The following ALX3 variants were observed in gnomAD, a reference collection of about 807,000 sequenced individuals.
The protein encoded by ALX3 is ALX homeobox 3, also known as homeobox protein aristaless-like 3.
In ALX3, 17 loss-of-function variants were observed where a neutral mutation model predicts 26.3. The ratio of observed to expected loss-of-function variants is 0.65; its 90% CI spans 0.44 to 0.97. The LOEUF is 0.97. Ranked by LOEUF, ALX3 falls within the 50% of genes least tolerant of loss-of-function variation. The pLI, the probability that ALX3 is intolerant of heterozygous loss-of-function variation, is 0.00. For synonymous variants in ALX3, 208 were observed against 201.4 expected (o/e 1.03, Z -0.28); for missense variants, 461 against 466.5 (o/e 0.99, Z 0.11).
Position 110,060,964 on chromosome 1 carries a change from G to C in ALX3, c.801C>G (p.Pro267=). Residue 267 remains proline (P), a synonymous_variant, in exon 4 of 4, where the codon CCC becomes CCG. Transcript: ENST00000647563. ...GGGAATATGGAGACATGCATGGGGA[G>C]GGGATGCCCTCTGGAGACACAAGGC... ...GPCLVSPEGI[P]SPCMSPYSHP... The C allele has an allele frequency of 6.2e-7, 1 of 1,613,014 alleles. No homozygotes were observed. Among genetic ancestry groups the C allele is most frequent in the Non-Finnish European group, 8.5e-7 (1 of 1,179,700 alleles).
At position 110,068,731 on chromosome 1, in the gene ALX3, C is replaced by T. The variant is rs190359803; in HGVS notation, c.277+1605G>A. Among the ~76,000 whole-genome samples the T allele has an allele frequency of 2.0e-4, 30 of 152,204 alleles. No individual in the cohort carries two copies. The East Asian group carries it at 5.4e-3, about 27-fold the overall frequency. ...ATTCATTTTAGTTCATCCCAGCTCG[C>T]CGACTGCCATTTACCCTCTCGTTCT... On this transcript the variant is annotated intron_variant, in intron 1 of 3. Coordinates refer to ENST00000647563, the MANE Select transcript of ALX3 (RefSeq NM_006492.3).
At chr1:110,066,375 C>A (rs895304361) in intron 1 of ALX3, among the ~76,000 whole-genome samples, 6 of 152,186 alleles carry the variant, frequency 3.9e-5, no homozygotes. Context: ...CAGCTACAGC[C>A]CAGGGACCAG....
Position 110,060,178 on chromosome 1 carries a change from G to A in ALX3, c.*555C>T, listed in dbSNP as rs1475366364. 6.6e-6 allele frequency: 1 copy of A among 152,172 alleles called. No individual in the cohort carries two copies. The highest frequency in any genetic ancestry group is 1.5e-5 in the Non-Finnish European group (1 of 68,062). 9.4% of individuals were successfully genotyped at this position (152,172 alleles called of 1,614,324 possible). On this transcript the variant is annotated 3_prime_UTR_variant, in exon 4 of 4. Coordinates refer to ENST00000647563, the MANE Select transcript of ALX3 (RefSeq NM_006492.3). ...GCAGGCACATGGCAGGAGTGAGGGT[G>A]GCTGGAGCTGAGGAGCCAGTGTGCC...
At chr1:110,067,100 T>G (rs925460990) in intron 1 of ALX3, among the ~76,000 whole-genome samples, 2 of 152,054 alleles carry the variant, frequency 1.3e-5, no homozygotes, top group African/African-American at 2.4e-5. Flanking sequence ...CCCTCCACTT[T>G]GGGAGAGGGG....
rs554134646 is a variant in ALX3 at position 110,069,726 on chromosome 1, A to G, written c.277+610T>C. ...AGAATACAGTTATTCCGTCTTGAGG[A>G]CAGCCCTGGCATTGCACGACCAGTC... On this transcript the variant is annotated intron_variant, in intron 1 of 3. Transcript: ENST00000647563. 6.9e-4 allele frequency among the ~76,000 whole-genome samples: 105 copies of G among 152,302 alleles called. No individual in the cohort carries two copies. In the South Asian group the frequency reaches 0.012, roughly 18 times the overall value.
At chr1:110,064,091 T>C (rs1182433588) in intron 2 of ALX3, among the ~76,000 whole-genome samples, 1 of 151,926 alleles carries the variant, frequency 6.6e-6, no homozygotes, top group Non-Finnish European at 1.5e-5. Flanking sequence ...CTGATGACTT[T>C]GAGAATCACT....
intron 1 of ALX3, among the ~76,000 whole-genome samples, chr1:110,066,574 C>CCCCG (rs1570939065): frequency 8.5e-6 from 1 of 118,302 alleles, no homozygotes; most frequent in Admixed American, 8.2e-5. Flanking sequence ...ATGGGACATC[C>CCCCG]CCCCCCCCCG....
intron 1 of ALX3, among the ~76,000 whole-genome samples, chr1:110,069,575 G>T (rs865925954): frequency 1.3e-5 from 2 of 152,256 alleles, no homozygotes; most frequent in South Asian, 4.1e-4. Flanking sequence ...GCGCCAGGGG[G>T]TTAGGCTGCC....
At chr1:110,062,645 G>GTGTGTGTGTGTGTGTGTGT (rs57279963) in intron 2 of ALX3, 20 of 132,388 alleles carry the variant, frequency 1.5e-4, no homozygotes, top group African/African-American at 3.4e-4. Context: ...GTGTGTGTGT[G>GTGTGTGTGTGTGTGTGTGT]GAGTAATCCG....
intron 1 of ALX3, among the ~76,000 whole-genome samples, chr1:110,066,796 A>G (rs1052892166): frequency 6.6e-6 from 1 of 152,168 alleles, no homozygotes; most frequent in Non-Finnish European, 1.5e-5. Context: ...GGGCTTGCTC[A>G]TCTGCCTCTT....
intron 2 of ALX3, 73 bp downstream of exon 2, chr1:110,064,514 G>A (rs1653730259): frequency 6.4e-7 from 1 of 1,565,560 alleles, no homozygotes; most frequent in East Asian, 2.3e-5. Context: ...ACCTCTCCCA[G>A]CCCTTCCAGA....
intron 1 of ALX3, among the ~76,000 whole-genome samples, chr1:110,069,703 A>G (rs951739019): frequency 6.6e-6 from 1 of 152,192 alleles, no homozygotes; most frequent in Non-Finnish European, 1.5e-5. Context: ...GAGAAATAAG[A>G]ATACAGTTAT....
chr1:110,064,692 G>A lies in ALX3; in HGVS notation c.489C>T (p.Phe163=). The part of the protein sequence containing the change: ...KRRNRTTFST[F]QLEELEKVFQ... ...AGACCTTCTCCAGCTCCTCCAGCTG[G>A]AATGTGCTGAAGGTCGTGCGGTTAC... Residue 163 remains phenylalanine, a synonymous_variant, in exon 2 of 4, where the codon TTC becomes TTT. Transcript: ENST00000647563. 1.2e-6 allele frequency: 2 copies of A among 1,614,240 alleles called. No individual in the cohort carries two copies. Among genetic ancestry groups the A allele is most frequent in the Non-Finnish European group, 8.5e-7 (1 of 1,180,056 alleles).
rs1335926094 is a variant in ALX3, at chr1:110,060,579, A to G, written c.*154T>C. The stretch of plus-strand genomic sequence containing the variant: ...GCAGCCCCACCTTGTTCTAAGAGAA[A>G]AGACCCTGTAACGTGTTCCCTGCTG... On this transcript the variant is annotated 3_prime_UTR_variant, in exon 4 of 4. Coordinates refer to ENST00000647563, the MANE Select transcript of ALX3 (RefSeq NM_006492.3). The G allele has an allele frequency of 1.8e-6, 1 of 551,194 alleles. No individual in the cohort carries two copies. The highest frequency in any genetic ancestry group is 4.0e-5 in the East Asian group (1 of 24,774). The allele number at this position is 551,194 out of a possible 1,614,324, so 34.1% of individuals were successfully genotyped here. A position where few individuals can be genotyped will look rare whatever the true frequency, so the allele number is the denominator to read the frequency against.
chr1:110,067,030 A>G (rs150036138), intron 1 of ALX3, among the ~76,000 whole-genome samples: 4 of 152,200 alleles, frequency 2.6e-5, no homozygotes, highest in East Asian at 3.9e-4. Context: ...TGCTCTCCTC[A>G]TTGTCATTGC....
In ALX3 at chr1:110,070,554, GC is replaced by G; in HGVS notation, c.58del (p.Ala20ProfsTer29). Reference sequence around the variant, plus strand: ...CGGGCCCGGAGGCTCGTCCCCCGAGGCCACATAGGGGCCGGGTGCAGGCCCC... The same window carrying G: ...CGGGCCCGGAGGCTCGTCCCCCGAGGCACATAGGGGCCGGGTGCAGGCCCC... The part of the protein sequence containing the change: ...RVGPAPGPYV[A>X]SGDEPPGPQG... On this transcript the variant is annotated frameshift_variant, in exon 1 of 4. Coordinates refer to ENST00000647563, the MANE Select transcript of ALX3 (RefSeq NM_006492.3). LOFTEE classifies it high-confidence loss of function. 1 of 1,308,912 alleles carries G rather than the reference GC, an allele frequency of 7.6e-7. No homozygotes were observed. The highest frequency in any genetic ancestry group is 9.7e-7 in the Non-Finnish European group (1 of 1,026,562). The allele number at this position is 1,308,912 out of a possible 1,614,324, so 81.1% of individuals were successfully genotyped here.
chr1:110,061,594 T>C, intron 2 of ALX3, 31 bp from the exon 3 acceptor site: 1 of 1,613,210 alleles, frequency 6.2e-7, no homozygotes, highest in Middle Eastern at 1.7e-4. Flanking sequence ...TTTGAGGGGG[T>C]GATAGGGCAG....
Position 110,060,343 on chromosome 1 carries a change from G to A in ALX3, c.*390C>T, listed in dbSNP as rs1305878234. Reference sequence around the variant, plus strand: ...TTTGGTTTCCATCTCATCATGAAGAGCTTCAGTCCACGCGGCGTTCTCCTC... The same window carrying A: ...TTTGGTTTCCATCTCATCATGAAGAACTTCAGTCCACGCGGCGTTCTCCTC... On this transcript the variant is annotated 3_prime_UTR_variant, in exon 4 of 4. Coordinates refer to ENST00000647563, the MANE Select transcript of ALX3 (RefSeq NM_006492.3). 6.3e-6 allele frequency: 1 copy of A among 158,052 alleles called. No homozygotes were observed. The highest frequency in any genetic ancestry group is 2.4e-5 in the African/African-American group (1 of 41,570). The allele number at this position is 158,052 out of a possible 1,614,324, so 9.8% of individuals were successfully genotyped here.
Position 110,070,638 on chromosome 1 carries a change from G to A in ALX3, c.-26C>T. On this transcript the variant is annotated 5_prime_UTR_variant, in exon 1 of 4. Transcript: ENST00000647563. Reference sequence around the variant, plus strand: ...GCCGGCTCAGGGCGCACAGGCCTCCGGGGCTCCGGGGCTCGCGCTGCCCGC... The same window carrying A: ...GCCGGCTCAGGGCGCACAGGCCTCCAGGGCTCCGGGGCTCGCGCTGCCCGC... 1 of 1,205,754 alleles carries A rather than the reference G, an allele frequency of 8.3e-7. No individual in the cohort carries two copies. Among genetic ancestry groups the A allele is most frequent in the Non-Finnish European group, 1.0e-6 (1 of 971,914 alleles). 74.7% of individuals were successfully genotyped at this position (1,205,754 alleles called of 1,614,324 possible). A position where few individuals can be genotyped will look rare whatever the true frequency, so the allele number is the denominator to read the frequency against.
Sources: gnomAD v4.1 joint callset for allele counts (sites outside exome capture counted in the v4.1 genomes callset) on GRCh38, gnomAD v4.1.1 for gene constraint, MANE v1.5 for transcripts, NCBI Gene and HGNC (gene_info 2026-07-23, HGNC 2026-07-21) for gene names.